UBE2L6: variants seen among roughly 807,000 people sequenced by gnomAD.
The protein encoded by UBE2L6 is ubiquitin conjugating enzyme E2 L6.
A neutral mutation model predicts 13.6 loss-of-function variants in UBE2L6; 11 were observed. The observed-to-expected ratio is 0.81, with a 90% CI of 0.51 to 1.34. UBE2L6 has a LOEUF of 1.34. UBE2L6 is among the 40% of genes most tolerant of loss of function. The pLI, the probability that UBE2L6 is intolerant of heterozygous loss-of-function variation, is 0.00. For synonymous variants in UBE2L6, 74 were observed against 83.2 expected (o/e 0.89, Z 0.60); for missense variants, 197 against 199.5 (o/e 0.99, Z 0.07).
intron 1 of UBE2L6, among the ~76,000 whole-genome samples, chr11:57,560,745 C>T (rs1479946727): frequency 1.3e-5 from 2 of 151,926 alleles, no homozygotes; most frequent in Non-Finnish European, 2.9e-5. Context: ...CTCAGCCTCC[C>T]GAGTAGCTGG....
intron 2 of UBE2L6, among the ~76,000 whole-genome samples, chr11:57,557,456 G>A (rs144937601): frequency 2.7e-5 from 4 of 148,566 alleles, no homozygotes; most frequent in African/African-American, 9.9e-5. Flanking sequence ...GTGCAATGGC[G>A]TGATCTCGGC....
At position 57,560,777 on chromosome 11, in the gene UBE2L6, C is replaced by T. The variant is rs559467358; in HGVS notation, c.28-345G>A. Among the ~76,000 whole-genome samples the T allele has an allele frequency of 6.6e-5, 10 of 152,062 alleles. No homozygotes were observed. In the East Asian group the frequency reaches 1.5e-3, roughly 23 times the overall value. The stretch of plus-strand genomic sequence containing the variant: ...CTGGGACTACAGACGCCCGCCACCA[C>T]GCCCCGCTAATTTTTTGTATTTTTA... On this transcript the variant is annotated intron_variant, in intron 1 of 3. Transcript: ENST00000287156.
intron 1 of UBE2L6, among the ~76,000 whole-genome samples, chr11:57,560,751 G>C (rs2135279145): frequency 6.6e-6 from 1 of 151,954 alleles, no homozygotes; most frequent in South Asian, 2.1e-4. Context: ...CTCCCGAGTA[G>C]CTGGGACTAC....
intron 1 of UBE2L6, 136 bp downstream of exon 1, chr11:57,567,449 G>A (rs911389472): frequency 6.2e-5 from 79 of 1,264,294 alleles, no homozygotes; most frequent in Non-Finnish European, 8.0e-5. Context: ...AGGGCGGGGA[G>A]GACAGGGATT....
At position 57,554,614 on chromosome 11, in the gene UBE2L6, G is replaced by T; in HGVS notation, c.133C>A (p.Pro45Thr). The T allele has an allele frequency of 1.2e-6, 2 of 1,614,152 alleles. No individual in the cohort carries two copies. Among genetic ancestry groups the T allele is most frequent in the Non-Finnish European group, 1.7e-6 (2 of 1,180,022 alleles). The stretch of plus-strand genomic sequence containing the variant: ...AGGTTGAAGGCTTTCAGGTGGTAGG[G>T]AGGTTGGTCCTGTGCAGAGAGAAAA... ...WHALLLPDQP[P>T]YHLKAFNLRI... Residue 45 changes from proline (P) to threonine (T), a missense_variant, in exon 3 of 4, where the codon CCC becomes ACC. By Grantham distance (38) the Pro-to-Thr change is conservative. Coordinates refer to ENST00000287156, the MANE Select transcript of UBE2L6 (RefSeq NM_004223.5).
At chr11:57,566,957 C>T (rs4939151) in intron 1 of UBE2L6, 13 of 220,184 alleles carry the variant, frequency 5.9e-5, no homozygotes, top group African/African-American at 3.1e-4. Flanking sequence ...GCCCCCCCCC[C>T]CCTCCTAGAA....
rs1289368724 is a variant in UBE2L6, at chr11:57,554,530, T to C, written c.217A>G (p.Lys73Glu). 1.9e-6 allele frequency: 3 copies of C among 1,613,524 alleles called. No individual in the cohort carries two copies. The highest frequency in any genetic ancestry group is 2.7e-5 in the African/African-American group (2 of 74,706). ...TCGTCCACGTTGGGGTGGTAGATCT[T>C]GGTTGTGAATTTGATCATGGGAGGC... ...FKPPMIKFTT[K>E]IYHPNVDENG... is the part of the protein sequence containing the mutation. Residue 73 changes from lysine (K) to glutamate (E), a missense_variant, in exon 3 of 4, where the codon AAG (lysine) becomes GAG (glutamate). By Grantham distance (56) the Lys-to-Glu change is moderately conservative. Transcript: ENST00000287156.
chr11:57,560,301 C>T (rs1945028736), intron 2 of UBE2L6, 36 bp downstream of exon 2: 1 of 1,575,958 alleles, frequency 6.3e-7, no homozygotes, highest in Non-Finnish European at 8.7e-7. Flanking sequence ...CCTAATTTGG[C>T]CCCAATCCAA....
At chr11:57,561,508 G>T (rs1945047279) in intron 1 of UBE2L6, among the ~76,000 whole-genome samples, 1 of 152,162 alleles carries the variant, frequency 6.6e-6, no homozygotes, top group Admixed American at 6.5e-5. Context: ...GGAGAAGGAA[G>T]GTTTCACAGA....
rs565279008 is a variant in UBE2L6 at position 57,555,301 on chromosome 11, C to T, written c.124-678G>A. On this transcript the variant is annotated intron_variant, in intron 2 of 3. Coordinates refer to ENST00000287156, the MANE Select transcript of UBE2L6 (RefSeq NM_004223.5). The stretch of plus-strand genomic sequence containing the variant: ...TACACACAATGGAGTATTATTTAGC[C>T]TTAAAAGGAATGAAATTCTGATATA... 2.0e-5 allele frequency among the ~76,000 whole-genome samples: 3 copies of T among 152,284 alleles called. No homozygotes were observed. The East Asian group carries it at 5.8e-4, about 29-fold the overall frequency.
rs1315728735 is a variant in UBE2L6 at position 57,567,632 on chromosome 11, AC to A, written c.-22del. 1 of 1,603,878 alleles carries A rather than the reference AC, an allele frequency of 6.2e-7. No homozygotes were observed. Among genetic ancestry groups the A allele is most frequent in the South Asian group, 1.1e-5 (1 of 88,690 alleles). On this transcript the variant is annotated 5_prime_UTR_variant, in exon 1 of 4. Coordinates refer to ENST00000287156, the MANE Select transcript of UBE2L6 (RefSeq NM_004223.5). ...ATCATGTCGGGACCGAGTGTGTGGC[AC>A]CCGTGGCCTCCAGCAGGACCGAGCT... is the stretch of plus-strand genomic sequence containing the variant.
At chr11:57,556,592 CAAAAAAAAAAAAAAA>C in intron 2 of UBE2L6, among the ~76,000 whole-genome samples, 1 of 73,694 alleles carries the variant, frequency 1.4e-5, no homozygotes, top group East Asian at 4.1e-4. Flanking sequence ...AACTCCGTCT[CAAAAAAAAAAAAAAA>C]AAAAAAAAGA....
intron 1 of UBE2L6, among the ~76,000 whole-genome samples, chr11:57,565,022 C>A (rs1202628879): frequency 6.6e-6 from 1 of 152,066 alleles, no homozygotes; most frequent in East Asian, 1.9e-4. Context: ...GTGGGTGGAT[C>A]ACCTGAGGTC....
intron 1 of UBE2L6, among the ~76,000 whole-genome samples, chr11:57,561,663 G>A (rs1945048175): frequency 6.6e-6 from 1 of 152,182 alleles, no homozygotes; most frequent in Admixed American, 6.6e-5. Flanking sequence ...CAGGAAAAGG[G>A]TTCCAAGGTC....
chr11:57,567,821 G>A (rs1250179932), upstream of UBE2L6: 1 of 512,322 alleles, frequency 2.0e-6, no homozygotes, highest in African/African-American at 2.0e-5. Flanking sequence ...CCCGATCCCC[G>A]CGCGGAAGGC....
chr11:57,560,379 G>A lies in UBE2L6; in HGVS notation c.81C>T (p.Ser27=), dbSNP rs747324806. 7 of 1,613,830 alleles carry A rather than the reference G, an allele frequency of 4.3e-6. No homozygotes were observed. In the East Asian group the frequency reaches 8.9e-5, roughly 21 times the overall value. Residue 27 remains serine, a synonymous_variant, in exon 2 of 4, where the codon AGC becomes AGT. Transcript: ENST00000287156. ...GCCACACCAGGACATTGGCATCATC[G>A]CTGGACAGGTTCCGCAGGTATGGGG... is the stretch of plus-strand genomic sequence containing the variant. ...KPPPYLRNLS[S]DDANVLVWHA...
chr11:57,561,976 G>A (rs991590510), intron 1 of UBE2L6, among the ~76,000 whole-genome samples: 1 of 152,234 alleles, frequency 6.6e-6, no homozygotes, highest in African/African-American at 2.4e-5. Flanking sequence ...GGGACATTCG[G>A]TAATATCTGG....
chr11:57,552,090 T>C lies in UBE2L6; in HGVS notation c.*268A>G. ...GAGAGCTGGAGAACTGGCCTGTAAC[T>C]GCAAACTTAAACTCCCTTGGCTCTG... On this transcript the variant is annotated 3_prime_UTR_variant, in exon 4 of 4. Transcript: ENST00000287156. 1 of 424,650 alleles carries C rather than the reference T, an allele frequency of 2.4e-6. No individual in the cohort carries two copies. Among genetic ancestry groups the C allele is most frequent in the Non-Finnish European group, 4.3e-6 (1 of 234,766 alleles). The allele number at this position is 424,650 out of a possible 1,614,324, so 26.3% of individuals were successfully genotyped here.
At chr11:57,565,154 A>C (rs1275730850) in intron 1 of UBE2L6, among the ~76,000 whole-genome samples, 1 of 151,836 alleles carries the variant, frequency 6.6e-6, no homozygotes, top group Non-Finnish European at 1.5e-5. Flanking sequence ...AGGCAGGAGA[A>C]TCACTTGAGC....
Sources: gnomAD v4.1 joint callset for allele counts (sites outside exome capture counted in the v4.1 genomes callset) on GRCh38, gnomAD v4.1.1 for gene constraint, MANE v1.5 for transcripts, NCBI Gene and HGNC (gene_info 2026-07-23, HGNC 2026-07-21) for gene names.